The following HERC4 variants were observed in gnomAD, a reference collection of about 807,000 sequenced individuals.
HERC4 encodes HECT and RLD domain containing E3 ubiquitin protein ligase 4, also known as probable E3 ubiquitin-protein ligase HERC4.
In HERC4, 28 loss-of-function variants were observed where a neutral mutation model predicts 124.3. The ratio of observed to expected loss-of-function variants is 0.23; its 90% CI spans 0.17 to 0.31. The LOEUF (loss-of-function observed/expected upper bound fraction) is 0.31, where lower values mean the gene tolerates loss of function less well. Ranked by LOEUF, HERC4 falls within the 10% of genes least tolerant of loss-of-function variation. HERC4 has a pLI of 1.00. For missense variants in HERC4, 713 were observed against 1,229.3 expected, an observed-to-expected ratio of 0.58 and a Z score of 6.28; for synonymous variants, 407 against 421.5, an observed-to-expected ratio of 0.97 and a Z score of 0.42.
chr10:68,004,825 A>T (rs2037441963), intron 9 of HERC4, among the ~76,000 whole-genome samples: 1 of 152,192 alleles, frequency 6.6e-6, no homozygotes, highest in Non-Finnish European at 1.5e-5. Context: ...ACTCATTATT[A>T]CAAGAACAGC....
intron 9 of HERC4, among the ~76,000 whole-genome samples, chr10:68,008,235 A>C (rs2037705760): frequency 6.6e-6 from 1 of 152,156 alleles, no homozygotes; most frequent in Non-Finnish European, 1.5e-5. Context: ...CACTGCTAAG[A>C]CTGTGCTAGA....
chr10:67,988,664 C>T lies in HERC4; in HGVS notation c.1805G>A (p.Arg602Lys). 6.5e-7 allele frequency: 1 copy of T among 1,548,044 alleles called. No homozygotes were observed. Among genetic ancestry groups the T allele is most frequent in the Non-Finnish European group, 8.8e-7 (1 of 1,138,800 alleles). Residue 602 changes from arginine (R) to lysine (K), a missense_variant and splice_region_variant, in exon 15 of 25, where the codon AGG becomes AAG. By Grantham distance (26) the Arg-to-Lys change is conservative (BLOSUM62 2). Coordinates refer to ENST00000373700, the MANE Select transcript of HERC4 (RefSeq NM_015601.4). ...TALKVLEILH[R>K]VNEKMGQIIQ... Reference sequence around the variant, plus strand: ...AAATAAAGGAATGATTGGACATACCCTATGTAGTATTTCTAAAACCTTTAA... The same window carrying T: ...AAATAAAGGAATGATTGGACATACCTTATGTAGTATTTCTAAAACCTTTAA...
chr10:67,992,169 A>C (rs774631780), intron 11 of HERC4, 30 bp downstream of exon 11: 1 of 1,607,334 alleles, frequency 6.2e-7, no homozygotes, highest in Non-Finnish European at 8.5e-7. Context: ...GGCATGAGCC[A>C]CTGTGCCTGG....
At chr10:68,000,049 G>A (rs1160737071) in intron 9 of HERC4, among the ~76,000 whole-genome samples, 6 of 151,952 alleles carry the variant, frequency 3.9e-5, no homozygotes, top group African/African-American at 1.5e-4. Context: ...GTAGAGACAG[G>A]GTCTTGCTAT....
chr10:67,929,819 A>ATTTTTTTTTTTTTTTTTT (rs561065364), intron 23 of HERC4, among the ~76,000 whole-genome samples: 1 of 143,320 alleles, frequency 7.0e-6, no homozygotes, highest in African/African-American at 2.7e-5. Flanking sequence ...CCAGCTGTGC[A>ATTTTTTTTTTTTTTTTTT]TTTTTTTTTT....
chr10:68,030,268 C>T (rs533688098), intron 7 of HERC4, among the ~76,000 whole-genome samples: 64 of 151,664 alleles, frequency 4.2e-4, no homozygotes, highest in African/African-American at 1.5e-3. Context: ...GGTGAAACCC[C>T]ATCTCTACAA....
intron 3 of HERC4, among the ~76,000 whole-genome samples, chr10:68,061,085 C>T (rs1368248022): frequency 6.6e-6 from 1 of 152,130 alleles, no homozygotes; most frequent in African/African-American, 2.4e-5. Flanking sequence ...ACAGCATTAT[C>T]GCAAAAGGTG....
At chr10:67,985,818 A>C (rs2036229286) in intron 15 of HERC4, among the ~76,000 whole-genome samples, 1 of 152,218 alleles carries the variant, frequency 6.6e-6, no homozygotes, top group African/African-American at 2.4e-5. Context: ...AAACTTTCCA[A>C]AGGACATGAC....
At chr10:67,996,818 AAAAAT>A (rs996706052) in intron 9 of HERC4, among the ~76,000 whole-genome samples, 1 of 151,888 alleles carries the variant, frequency 6.6e-6, no homozygotes, top group Non-Finnish European at 1.5e-5. Context: ...CTAAAAATAA[AAAAAT>A]AAAATAAAAT....
At chr10:67,954,114 G>A (rs41274094) in intron 19 of HERC4, 14,633 of 152,268 alleles carry the variant, frequency 0.096, 902 homozygotes, top group Middle Eastern at 0.18. Flanking sequence ...GGTCACTGTT[G>A]TAATTACTTA....
chr10:68,056,122 G>T (rs1747877047), intron 3 of HERC4, among the ~76,000 whole-genome samples: 1 of 152,108 alleles, frequency 6.6e-6, no homozygotes, highest in African/African-American at 2.4e-5. Flanking sequence ...GAAAGAAGGG[G>T]TAAAGGTGAA....
At chr10:68,035,820 A>ACTC (rs1448332723) in intron 5 of HERC4, among the ~76,000 whole-genome samples, 1 of 152,168 alleles carries the variant, frequency 6.6e-6, no homozygotes, top group Non-Finnish European at 1.5e-5. Flanking sequence ...CTCTCCCAGC[A>ACTC]GGAGCCTTCC....
intron 15 of HERC4, among the ~76,000 whole-genome samples, chr10:67,982,917 C>G (rs1328803702): frequency 6.6e-6 from 1 of 151,924 alleles, no homozygotes; most frequent in African/African-American, 2.4e-5. Context: ...CGCCTGAGCT[C>G]AGGAGTTCAA....
rs147529890 is a variant in HERC4 at position 68,052,498 on chromosome 10, C to T, written c.227-7935G>A. On this transcript the variant is annotated intron_variant, in intron 3 of 24. Transcript: ENST00000373700. ...TCCAACTTCAGTGTTTGTTTGCTTA[C>T]GAACTACATCAAGTACATTTTTCTG... Among the ~76,000 whole-genome samples the T allele has an allele frequency of 5.1e-3, 779 of 152,108 alleles. 5 individuals are homozygous for T. Among genetic ancestry groups the T allele is most frequent in the Non-Finnish European group, 9.0e-3 (613 of 67,994 alleles).
Position 68,014,046 on chromosome 10 carries a change from C to G in HERC4, c.1049G>C (p.Gly350Ala), listed in dbSNP as rs1401679516. 6.2e-7 allele frequency: 1 copy of G among 1,609,796 alleles called. No individual in the cohort carries two copies. Among genetic ancestry groups the G allele is most frequent in the Non-Finnish European group, 8.5e-7 (1 of 1,178,486 alleles). Residue 350 changes from glycine to alanine, a missense_variant, in exon 9 of 25, where the codon GGG becomes GCG. Transcript: ENST00000373700. The stretch of plus-strand genomic sequence containing the variant: ...CTTACCAATATCTGGTAGACACTGC[C>G]CATTATAGGGGTACCAATTTCCTTT... ...TVKGNWYPYN[G>A]QCLPDIDSEE...
intron 3 of HERC4, among the ~76,000 whole-genome samples, chr10:68,060,590 G>T (rs2040956420): frequency 6.6e-6 from 1 of 152,046 alleles, no homozygotes; most frequent in African/African-American, 2.4e-5. Flanking sequence ...CCAATTATAT[G>T]GTTTATGTGT....
chr10:68,073,257 G>C (rs954763416), intron 2 of HERC4, 71 bp from the exon 3 acceptor site: 1 of 607,428 alleles, frequency 1.6e-6, no homozygotes, highest in Admixed American at 3.1e-5. Context: ...TCAAGTGCTA[G>C]GCTACAATAA....
intron 3 of HERC4, among the ~76,000 whole-genome samples, chr10:68,061,982 G>A (rs1324858014): frequency 6.6e-6 from 1 of 150,502 alleles, no homozygotes; most frequent in Non-Finnish European, 1.5e-5. Flanking sequence ...ATTTACAACG[G>A]TATTATATCA....
chr10:67,981,727 G>A (rs2035941054), intron 15 of HERC4, among the ~76,000 whole-genome samples: 1 of 152,176 alleles, frequency 6.6e-6, no homozygotes, highest in African/African-American at 2.4e-5. Flanking sequence ...GGAGGCCAAG[G>A]CGGGTGGATT....
Sources: gnomAD v4.1 joint callset for allele counts (sites outside exome capture counted in the v4.1 genomes callset) on GRCh38, gnomAD v4.1.1 for gene constraint, MANE v1.5 for transcripts, NCBI Gene and HGNC (gene_info 2026-07-23, HGNC 2026-07-21) for gene names.